NEO1: variants seen among roughly 807,000 people sequenced by gnomAD.
The protein encoded by NEO1 is neogenin 1, also known as neogenin.
Under a neutral mutation model 159.7 loss-of-function variants are expected in NEO1, and 63 were observed. That is an observed-to-expected ratio of 0.39 (90% CI 0.32 to 0.49). NEO1 has a LOEUF of 0.49. Among genes scored for constraint, NEO1 ranks in the 20% least tolerant of loss-of-function variants. The pLI, the probability that NEO1 is intolerant of heterozygous loss-of-function variation, is 0.85. For synonymous variants in NEO1, 633 were observed against 662.0 expected, an observed-to-expected ratio of 0.96 and a Z score of 0.67; for missense variants, 1,615 against 1,831.0, an observed-to-expected ratio of 0.88 and a Z score of 2.15.
chr15:73,160,554 T>C (rs892482357), intron 5 of NEO1, among the ~76,000 whole-genome samples: 2 of 152,170 alleles, frequency 1.3e-5, no homozygotes, highest in Non-Finnish European at 2.9e-5. Context: ...CTCCAGAACT[T>C]CTGACTGACT....
rs142692977 is a variant in NEO1, at chr15:73,127,148, T to G, written c.878+578T>G. On this transcript the variant is annotated intron_variant, in intron 4 of 28. Coordinates refer to ENST00000261908, the MANE Select transcript of NEO1 (RefSeq NM_002499.4). ...CGGGAGGCTGAGGCAGAAGAATCGC[T>G]TTAACCCAGGAGGCGAAGGTTGCAG... Among the ~76,000 whole-genome samples the G allele has an allele frequency of 1.9e-3, 293 of 151,734 alleles. 1 individual carries two copies. The highest frequency in any genetic ancestry group is 6.8e-3 in the African/African-American group (279 of 41,236).
chr15:73,221,383 G>A (rs1407131560), intron 7 of NEO1, among the ~76,000 whole-genome samples: 2 of 152,214 alleles, frequency 1.3e-5, no homozygotes, highest in Non-Finnish European at 2.9e-5. Flanking sequence ...AGGGGTCAGG[G>A]ACCCACTTGA....
intron 16 of NEO1, 106 bp from the exon 17 acceptor site, chr15:73,269,904 T>A (rs1473665475): frequency 1.1e-6 from 1 of 878,582 alleles, no homozygotes; most frequent in African/African-American, 1.7e-5. Context: ...TTTCTTTTTC[T>A]CCATTTCTCA....
intron 1 of NEO1, among the ~76,000 whole-genome samples, chr15:73,114,853 T>G (rs1285270655): frequency 2.0e-5 from 3 of 152,214 alleles, no homozygotes; most frequent in Admixed American, 2.0e-4. Context: ...TTTCTCTTAG[T>G]TTAGCTATCT....
chr15:73,242,380 A>T (rs2039535843), intron 8 of NEO1, among the ~76,000 whole-genome samples: 1 of 152,208 alleles, frequency 6.6e-6, no homozygotes, highest in South Asian at 2.1e-4. Context: ...TAAAAAAATC[A>T]TAAGGGACCA....
In NEO1 at chr15:73,272,473, A is replaced by G; in HGVS notation, c.2876A>G (p.Lys959Arg). ...TFELVPTSPP[K>R]DVTVVSKEGK... is the part of the protein sequence containing the mutation. Reference sequence around the variant, plus strand: ...TTTGTAGTTCCGACTTCTCCACCCAAGGATGTGACTGTTGTGAGTAAAGAG... The same window carrying G: ...TTTGTAGTTCCGACTTCTCCACCCAGGGATGTGACTGTTGTGAGTAAAGAG... Residue 959 changes from lysine (K) to arginine (R), a missense_variant, in exon 19 of 29, where the codon AAG (lysine) becomes AGG (arginine). By Grantham distance (26) the Lys-to-Arg change is conservative. Transcript: ENST00000261908. 6.2e-7 allele frequency: 1 copy of G among 1,613,918 alleles called. No individual in the cohort carries two copies. Among genetic ancestry groups the G allele is most frequent in the South Asian group, 1.1e-5 (1 of 91,060 alleles).
chr15:73,254,803 G>A lies in NEO1; in HGVS notation c.2066G>A (p.Gly689Glu). 1 of 1,613,864 alleles carries A rather than the reference G, an allele frequency of 6.2e-7. No individual in the cohort carries two copies. The highest frequency in any genetic ancestry group is 8.5e-7 in the Non-Finnish European group (1 of 1,179,944). The change falls in exon 13 of 29, where the codon GGG (glycine) becomes GAG (glutamate). Residue 689 changes from glycine (G) to glutamate (E), a missense_variant. This residue lies in a region of NEO1 where 1,018 missense variants were observed against 1,115.4 expected (regional missense o/e 0.91). Transcript: ENST00000261908. ...KSDVTETLVS[G>E]TQLSQLIEGL... is the part of the protein sequence containing the mutation. ...GATGTCACTGAGACCTTGGTAAGCG[G>A]GACACAGCTGTCTCAGCTGATTGAA...
intron 5 of NEO1, among the ~76,000 whole-genome samples, chr15:73,144,437 C>T (rs539591189): frequency 1.5e-4 from 23 of 152,332 alleles, no homozygotes; most frequent in Admixed American, 1.3e-3. Flanking sequence ...GCATTGACGT[C>T]TTTAATCCCA....
chr15:73,087,335 T>C (rs1296962084), intron 1 of NEO1, among the ~76,000 whole-genome samples: 1 of 152,202 alleles, frequency 6.6e-6, no homozygotes, highest in Non-Finnish European at 1.5e-5. Context: ...AATCTTATAT[T>C]AGGATAAACC....
intron 5 of NEO1, among the ~76,000 whole-genome samples, chr15:73,159,760 G>A (rs1373100730): frequency 1.3e-5 from 2 of 152,264 alleles, no homozygotes; most frequent in South Asian, 2.1e-4. Context: ...TTATGCAAAT[G>A]TGTGAGTGTT....
chr15:73,223,209 T>A lies in NEO1; in HGVS notation c.1292-13138T>A, dbSNP rs139930322. 2.1e-3 allele frequency among the ~76,000 whole-genome samples: 320 copies of A among 152,362 alleles called. 2 individuals are homozygous for A. The highest frequency in any genetic ancestry group is 0.017 in the East Asian group (89 of 5,180). On this transcript the variant is annotated intron_variant, in intron 7 of 28. Coordinates refer to ENST00000261908, the MANE Select transcript of NEO1 (RefSeq NM_002499.4). ...ATTTATTGAGGCTCACTTTATGGCC[T>A]ATCATGGAGAAAGTTCCATGCCCTG...
intron 7 of NEO1, among the ~76,000 whole-genome samples, chr15:73,208,323 C>A (rs986598520): frequency 1.3e-5 from 2 of 152,086 alleles, no homozygotes; most frequent in African/African-American, 2.4e-5. Flanking sequence ...ATTAGCAAGA[C>A]CATTTTGTTC....
At position 73,297,812 on chromosome 15, in the gene NEO1, C is replaced by T. The variant is rs74022931; in HGVS notation, c.3902-536C>T. On this transcript the variant is annotated intron_variant, in intron 26 of 28. Coordinates refer to ENST00000261908, the MANE Select transcript of NEO1 (RefSeq NM_002499.4). ...GCTGCTCTGTTTGTTGTCCAATTCT[C>T]ACTTGAGCTATGGGTTTTTTGCTGT... 9.7e-3 allele frequency among the ~76,000 whole-genome samples: 1,481 copies of T among 152,316 alleles called. 22 individuals carry two copies. The highest frequency in any genetic ancestry group is 0.034 in the African/African-American group (1,399 of 41,556).
chr15:73,065,183 T>A (rs2068154854), intron 1 of NEO1, among the ~76,000 whole-genome samples: 2 of 152,206 alleles, frequency 1.3e-5, no homozygotes, highest in South Asian at 4.1e-4. Context: ...GTTCTCTGTA[T>A]GTTTAAGATC....
chr15:73,096,171 T>G (rs1363167758), intron 1 of NEO1, among the ~76,000 whole-genome samples: 1 of 152,160 alleles, frequency 6.6e-6, no homozygotes, highest in Non-Finnish European at 1.5e-5. Context: ...AAATTCATCT[T>G]GTTCATGTCC....
intron 7 of NEO1, among the ~76,000 whole-genome samples, chr15:73,197,613 G>T (rs140121614): frequency 1.5e-3 from 230 of 150,986 alleles, no homozygotes; most frequent in South Asian, 2.9e-3. Context: ...GGAAACATTT[G>T]TGTTGTCCTA....
chr15:73,291,974 A>G (rs1203847770), intron 25 of NEO1, among the ~76,000 whole-genome samples: 4 of 152,160 alleles, frequency 2.6e-5, no homozygotes, highest in African/African-American at 9.7e-5. Flanking sequence ...GTCTTCCCCT[A>G]GAGTTGCTGA....
chr15:73,220,522 T>A (rs1215740224), intron 7 of NEO1, among the ~76,000 whole-genome samples: 1 of 152,212 alleles, frequency 6.6e-6, no homozygotes, highest in Non-Finnish European at 1.5e-5. Context: ...CTGCAGAGTG[T>A]TTTCCAACTT....
At chr15:73,133,437 T>C (rs1399673661) in intron 4 of NEO1, among the ~76,000 whole-genome samples, 1 of 152,124 alleles carries the variant, frequency 6.6e-6, no homozygotes, top group African/African-American at 2.4e-5. Context: ...AAGCTACATG[T>C]TGGGTGCAGT....
Sources: gnomAD v4.1 joint callset for allele counts (sites outside exome capture counted in the v4.1 genomes callset) on GRCh38, gnomAD v4.1.1 for gene constraint, gnomAD v4.1.1 regional missense constraint, MANE v1.5 for transcripts, NCBI Gene and HGNC (gene_info 2026-07-23, HGNC 2026-07-21) for gene names.